Variants in MAP2 observed in about 807,000 individuals in gnomAD.
MAP2 encodes the protein microtubule-associated protein 2.
In MAP2, 14 loss-of-function variants were observed where a neutral mutation model predicts 137.6. The observed-to-expected ratio is 0.10, with a 90% CI of 0.07 to 0.16. MAP2 has a LOEUF of 0.16. Among genes scored for constraint, MAP2 ranks in the 10% least tolerant of loss-of-function variants. The pLI is 1.00. For synonymous variants in MAP2, 786 were observed against 782.3 expected, an observed-to-expected ratio of 1.00 and a Z score of -0.08; for missense variants, 2,088 against 2,191.5, an observed-to-expected ratio of 0.95 and a Z score of 0.94.
intron 3 of MAP2, among the ~76,000 whole-genome samples, chr2:209,621,257 A>ATTTTTTTTTTTTTT (rs1186032597): frequency 4.8e-5 from 6 of 125,122 alleles, no homozygotes; most frequent in African/African-American, 1.9e-4. Flanking sequence ...AGGCATCTTG[A>ATTTTTTTTTTTTTT]TTTTTTTTTT....
chr2:209,724,031 C>A (rs1479738363), intron 13 of MAP2, among the ~76,000 whole-genome samples: 2 of 152,164 alleles, frequency 1.3e-5, no homozygotes, highest in Admixed American at 1.3e-4. Context: ...TACTCCACTA[C>A]AAAAGTCAGC....
chr2:209,655,639 G>A (rs1212859144), intron 5 of MAP2, among the ~76,000 whole-genome samples: 1 of 152,114 alleles, frequency 6.6e-6, no homozygotes, highest in Non-Finnish European at 1.5e-5. Context: ...CCCAAATATG[G>A]TATTTAGAAA....
At chr2:209,513,041 G>A (rs947107876) in intron 2 of MAP2, among the ~76,000 whole-genome samples, 1 of 152,066 alleles carries the variant, frequency 6.6e-6, no homozygotes, top group Non-Finnish European at 1.5e-5. Context: ...TAAAGATGCT[G>A]TTAAACTAAA....
rs374659903 is a variant in MAP2 at position 209,460,588 on chromosome 2, TTTCC to T, written c.-222+36332_-222+36335del. On this transcript the variant is annotated intron_variant, in intron 1 of 15. Coordinates refer to ENST00000682079, the MANE Select transcript of MAP2 (RefSeq NM_001375505.1). ...TTCCCTTCTCTTTCCCTTCTCTCCT[TTTCC>T]TTCCTTCCTTCCTTCCTTCTTTCCT... Among the ~76,000 whole-genome samples the T allele has an allele frequency of 6.3e-3, 954 of 151,506 alleles. 5 individuals carry two copies. The highest frequency in any genetic ancestry group is 0.02 in the African/African-American group (839 of 41,160).
intron 2 of MAP2, among the ~76,000 whole-genome samples, chr2:209,533,873 A>G (rs1027541419): frequency 1.3e-5 from 2 of 152,144 alleles, no homozygotes; most frequent in Admixed American, 6.5e-5. Context: ...CGGTCTAGGT[A>G]AGAGAGTTGA....
At chr2:209,649,494 A>G (rs1455443186) in intron 4 of MAP2, among the ~76,000 whole-genome samples, 1 of 152,190 alleles carries the variant, frequency 6.6e-6, no homozygotes, top group Non-Finnish European at 1.5e-5. Flanking sequence ...TATAAGTGAA[A>G]TTTATCATTT....
chr2:209,583,012 C>T (rs1400716877), intron 3 of MAP2, among the ~76,000 whole-genome samples: 2 of 152,034 alleles, frequency 1.3e-5, no homozygotes, highest in African/African-American at 4.8e-5. Flanking sequence ...TTTTTTCTAG[C>T]AGATTTTTGG....
chr2:209,631,989 T>C (rs187310293), intron 4 of MAP2, among the ~76,000 whole-genome samples: 4 of 152,244 alleles, frequency 2.6e-5, no homozygotes. Context: ...ACTTTATTCA[T>C]TAGATAGTGG....
chr2:209,593,715 TA>T (rs1158024080), intron 3 of MAP2, among the ~76,000 whole-genome samples: 1 of 75,476 alleles, frequency 1.3e-5, no homozygotes, highest in African/African-American at 5.1e-5. Flanking sequence ...TATTTTATAT[TA>T]TATATAAATA....
intron 2 of MAP2, among the ~76,000 whole-genome samples, chr2:209,544,945 G>T (rs980410434): frequency 3.9e-5 from 6 of 152,042 alleles, no homozygotes; most frequent in Admixed American, 6.5e-5. Context: ...TTCTTCTTCT[G>T]GCCATTTCAC....
In MAP2 at chr2:209,433,556, G is replaced by A. The variant is rs144946684; in HGVS notation, c.-222+9280G>A. ...GCACTGCACTGTAATTTTTCAGGTT[G>A]TTAAAAGCAGAATTTTTTTAGAATC... On this transcript the variant is annotated intron_variant, in intron 1 of 15. Coordinates refer to ENST00000682079, the MANE Select transcript of MAP2 (RefSeq NM_001375505.1). 2.4e-3 allele frequency among the ~76,000 whole-genome samples: 365 copies of A among 152,176 alleles called. 2 individuals carry two copies. Among genetic ancestry groups the A allele is most frequent in the African/African-American group, 8.5e-3 (354 of 41,522 alleles).
At position 209,599,083 on chromosome 2, in the gene MAP2, A is replaced by C. The variant is rs377467593; in HGVS notation, c.-107+18983A>C. Among the ~76,000 whole-genome samples the C allele has an allele frequency of 5.4e-3, 816 of 152,128 alleles. 7 individuals carry two copies. Among genetic ancestry groups the C allele is most frequent in the African/African-American group, 0.019 (794 of 41,522 alleles). On this transcript the variant is annotated intron_variant, in intron 3 of 15. Transcript: ENST00000682079. ...CCACCAACAGTGTCAAAGTGTTCCT[A>C]TTTCTCCACATCCTCTCCAGCACCT...
chr2:209,541,471 A>G (rs1029292632), intron 2 of MAP2, among the ~76,000 whole-genome samples: 2 of 151,268 alleles, frequency 1.3e-5, no homozygotes, highest in Non-Finnish European at 2.9e-5. Flanking sequence ...TAAGATAACA[A>G]TGAAGTTTAC....
At chr2:209,691,196 G>C (rs1459809847) in intron 7 of MAP2, among the ~76,000 whole-genome samples, 1 of 149,526 alleles carries the variant, frequency 6.7e-6, no homozygotes. Flanking sequence ...GTATATTTTT[G>C]TTTTTATTTT....
rs180786454 is a variant in MAP2 at position 209,458,757 on chromosome 2, G to C, written c.-222+34481G>C. 2.6e-3 allele frequency among the ~76,000 whole-genome samples: 402 copies of C among 152,218 alleles called. 1 individual carries two copies. The highest frequency in any genetic ancestry group is 9.1e-3 in the African/African-American group (379 of 41,536). On this transcript the variant is annotated intron_variant, in intron 1 of 15. Coordinates refer to ENST00000682079, the MANE Select transcript of MAP2 (RefSeq NM_001375505.1). The stretch of plus-strand genomic sequence containing the variant: ...CCTCCTGCCCATCAGAAGTCCCATA[G>C]AGGTGTTTGAGGCATACGATGCTCC...
chr2:209,648,158 A>G (rs10165558), intron 4 of MAP2, among the ~76,000 whole-genome samples: 34,428 of 149,942 alleles, frequency 0.23, 6,443 homozygotes, highest in African/African-American at 0.52. Flanking sequence ...CTGGAGTGCA[A>G]TGGTGTGATC....
chr2:209,446,929 A>G (rs1029730248), intron 1 of MAP2, among the ~76,000 whole-genome samples: 1 of 151,924 alleles, frequency 6.6e-6, no homozygotes, highest in Non-Finnish European at 1.5e-5. Flanking sequence ...TCACTTCAAT[A>G]GCAGATATTT....
chr2:209,519,483 G>T (rs571651381), intron 2 of MAP2, among the ~76,000 whole-genome samples: 2 of 152,172 alleles, frequency 1.3e-5, no homozygotes, highest in African/African-American at 4.8e-5. Context: ...CTGGGAGATA[G>T]GGGAGCTTTC....
chr2:209,544,264 CT>C (rs2067593792), intron 2 of MAP2, among the ~76,000 whole-genome samples: 1 of 151,818 alleles, frequency 6.6e-6, no homozygotes. Context: ...AGAAAACAAC[CT>C]TTTTAGTTTT....
Sources: allele counts gnomAD v4.1 joint callset (sites outside exome capture counted in the v4.1 genomes callset), GRCh38; gene constraint gnomAD v4.1.1; transcripts MANE v1.5; gene names NCBI Gene and HGNC (gene_info 2026-07-23, HGNC 2026-07-21).